The following ATP11B variants were observed in gnomAD, a reference collection of about 807,000 sequenced individuals.
The protein encoded by ATP11B is ATPase phospholipid transporting 11B (putative).
ATP11B carries 81 observed loss-of-function variants against 157.8 expected under a neutral mutation model. The observed-to-expected ratio is 0.51, with a 90% CI of 0.43 to 0.62. The LOEUF is 0.62. Ranked by LOEUF, ATP11B falls within the 20% of genes least tolerant of loss-of-function variation. The pLI, the probability that ATP11B is intolerant of heterozygous loss-of-function variation, is 0.00. For synonymous variants in ATP11B, 451 were observed against 469.4 expected, an observed-to-expected ratio of 0.96 and a Z score of 0.51; for missense variants, 1,165 against 1,402.2, an observed-to-expected ratio of 0.83 and a Z score of 2.70.
At chr3:182,861,646 G>T (rs1720848581) in intron 12 of ATP11B, among the ~76,000 whole-genome samples, 1 of 152,162 alleles carries the variant, frequency 6.6e-6, no homozygotes, top group African/African-American at 2.4e-5. Flanking sequence ...GGCAAAATTT[G>T]CACAAAGTTT....
At chr3:182,913,767 A>G (rs1399242612) in intron 28 of ATP11B, 94 bp from the exon 29 acceptor site, 8 of 1,591,848 alleles carry the variant, frequency 5.0e-6, no homozygotes, top group Admixed American at 1.8e-5. Flanking sequence ...TATATATGTT[A>G]CCTTTGATTT....
Position 182,873,975 on chromosome 3 carries a change from G to A in ATP11B, c.2212G>A (p.Asp738Asn). ...NILELINQKS[D>N]SECAEQLRQL... Reference sequence around the variant, plus strand: ...CCTTGAACTTATAAACCAGAAATCAGACAGCGAGTGTGCTGAACAATTGAG... The same window carrying A: ...CCTTGAACTTATAAACCAGAAATCAAACAGCGAGTGTGCTGAACAATTGAG... Residue 738 changes from aspartate to asparagine, a missense_variant, in exon 19 of 30, where the codon GAC becomes AAC. Asp to Asn is a conservative substitution (Grantham distance 23). This residue lies in a region of ATP11B where 737 missense variants were observed against 930.5 expected (regional missense o/e 0.79). Transcript: ENST00000323116. The A allele has an allele frequency of 6.2e-7, 1 of 1,614,050 alleles. No individual in the cohort carries two copies.
At chr3:182,849,729 A>G (rs1277099096) in intron 10 of ATP11B, among the ~76,000 whole-genome samples, 1 of 152,206 alleles carries the variant, frequency 6.6e-6, no homozygotes, top group Non-Finnish European at 1.5e-5. Flanking sequence ...AAGATTAGGA[A>G]AAATGAACAG....
intron 9 of ATP11B, among the ~76,000 whole-genome samples, chr3:182,845,923 A>G (rs1719483002): frequency 6.6e-6 from 1 of 152,230 alleles, no homozygotes; most frequent in Non-Finnish European, 1.5e-5. Flanking sequence ...TTCATTCAAC[A>G]AATTTACTGA....
intron 25 of ATP11B, among the ~76,000 whole-genome samples, chr3:182,893,652 T>C (rs889700961): frequency 6.6e-6 from 1 of 152,204 alleles, no homozygotes; most frequent in Non-Finnish European, 1.5e-5. Flanking sequence ...GCTATAAACA[T>C]GGGTGTGCAA....
intron 10 of ATP11B, 39 bp from the exon 11 acceptor site, chr3:182,857,839 A>G (rs1720530134): frequency 2.3e-6 from 3 of 1,291,356 alleles, no homozygotes; most frequent in East Asian, 2.3e-5. Flanking sequence ...ATAGTAATAC[A>G]TGAGTTGTAT....
In ATP11B at chr3:182,805,917, T is replaced by C. The variant is rs575168580; in HGVS notation, c.27+12131T>C. On this transcript the variant is annotated intron_variant, in intron 1 of 29. Transcript: ENST00000323116. ...TAGTCCTACTTCTTTTTAAACTCAATGTTTTTTAGCATTAGTTTTTAATTA... is the reference window on the plus strand; with the variant it reads ...TAGTCCTACTTCTTTTTAAACTCAACGTTTTTTAGCATTAGTTTTTAATTA... 5.3e-5 allele frequency among the ~76,000 whole-genome samples: 8 copies of C among 152,348 alleles called. No homozygotes were observed. In the East Asian group the frequency reaches 1.3e-3, roughly 26 times the overall value.
In ATP11B at chr3:182,840,467, CCA is replaced by C. The variant is rs540685072; in HGVS notation, c.657-1607_657-1606del. Among the ~76,000 whole-genome samples the C allele has an allele frequency of 2.8e-3, 431 of 152,278 alleles. 3 individuals carry two copies. The highest frequency in any genetic ancestry group is 0.01 in the Middle Eastern group (3 of 294). Reference sequence around the variant, plus strand: ...TGACTGTCGGATTTATTTCTCTATCCCAGACTTCTTTCCTAAACTTCAGCTGC... The same window carrying C: ...TGACTGTCGGATTTATTTCTCTATCCGACTTCTTTCCTAAACTTCAGCTGC... On this transcript the variant is annotated intron_variant, in intron 7 of 29. Transcript: ENST00000323116.
chr3:182,872,976 G>C (rs551918339), intron 18 of ATP11B, among the ~76,000 whole-genome samples: 1 of 152,234 alleles, frequency 6.6e-6, no homozygotes, highest in East Asian at 1.9e-4. Flanking sequence ...CCATCCCTCT[G>C]TGACTACCTA....
At chr3:182,847,711 T>A (rs1719645573) in intron 9 of ATP11B, among the ~76,000 whole-genome samples, 1 of 152,196 alleles carries the variant, frequency 6.6e-6, no homozygotes, top group African/African-American at 2.4e-5. Context: ...TTTGTTAATT[T>A]GTCATACAGA....
At position 182,829,753 on chromosome 3, in the gene ATP11B, G is replaced by C. The variant is rs550245246; in HGVS notation, c.315+1G>C. ...GATAACAGTAACTGCCATAAAGCAG[G>C]TATGAAATACTTTCTTTTTTTAATT... On this transcript the variant is annotated splice_donor_variant, in intron 4 of 29. Transcript: ENST00000323116. LOFTEE classifies it high-confidence loss of function. The C allele has an allele frequency of 6.3e-7, 1 of 1,590,934 alleles. No individual in the cohort carries two copies. The highest frequency in any genetic ancestry group is 1.4e-5 in the African/African-American group (1 of 73,936).
chr3:182,886,995 T>C (rs922598170), intron 23 of ATP11B, among the ~76,000 whole-genome samples: 10 of 152,200 alleles, frequency 6.6e-5, no homozygotes, highest in Non-Finnish European at 1.5e-4. Context: ...GGAGAGTTTA[T>C]AGTGTAATTT....
At chr3:182,805,468 T>C (rs1386225210) in intron 1 of ATP11B, among the ~76,000 whole-genome samples, 2 of 151,870 alleles carry the variant, frequency 1.3e-5, no homozygotes, top group African/African-American at 4.8e-5. Context: ...TTTTTTTTTC[T>C]TTTGAGACGG....
At chr3:182,908,313 A>G (rs537091510) in intron 28 of ATP11B, 1 of 147,584 alleles carries the variant, frequency 6.8e-6, no homozygotes, top group South Asian at 2.1e-4. Context: ...GGGTTCAAGC[A>G]GTTCTCCTGC....
chr3:182,875,660 C>T lies in ATP11B; in HGVS notation c.2252+1645C>T, dbSNP rs147655836. Reference sequence around the variant, plus strand: ...TTCTCTGCATTGGTCAGGCTGGTCTCGAACACCTGACCTCAGGTGATCTGC... The same window carrying T: ...TTCTCTGCATTGGTCAGGCTGGTCTTGAACACCTGACCTCAGGTGATCTGC... On this transcript the variant is annotated intron_variant, in intron 19 of 29. Transcript: ENST00000323116. Among the ~76,000 whole-genome samples, 442 of 152,276 alleles carry T rather than the reference C, an allele frequency of 2.9e-3. 4 individuals carry two copies. Among genetic ancestry groups the T allele is most frequent in the Middle Eastern group, 0.01 (3 of 294 alleles).
intron 28 of ATP11B, among the ~76,000 whole-genome samples, chr3:182,904,991 C>T (rs967703393): frequency 1.3e-5 from 2 of 151,848 alleles, no homozygotes; most frequent in East Asian, 1.9e-4. Flanking sequence ...CCCCTCTTCC[C>T]CTGTGTTATA....
At chr3:182,850,218 A>T (rs1719864808) in intron 10 of ATP11B, among the ~76,000 whole-genome samples, 1 of 152,202 alleles carries the variant, frequency 6.6e-6, no homozygotes. Flanking sequence ...CATGCCTGTA[A>T]TCCTAGCACT....
chr3:182,846,881 A>G (rs1365098571), intron 9 of ATP11B, among the ~76,000 whole-genome samples: 3 of 152,078 alleles, frequency 2.0e-5, no homozygotes, highest in East Asian at 1.9e-4. Context: ...GGGTGATGAA[A>G]ATTCAAAATT....
intron 1 of ATP11B, among the ~76,000 whole-genome samples, chr3:182,794,627 T>C (rs1715485621): frequency 6.6e-6 from 1 of 152,118 alleles, no homozygotes; most frequent in Non-Finnish European, 1.5e-5. Flanking sequence ...AAAGGGTCAT[T>C]TAAGGCCTAT....
Sources: gnomAD v4.1 joint callset for allele counts (sites outside exome capture counted in the v4.1 genomes callset) on GRCh38, gnomAD v4.1.1 for gene constraint, gnomAD v4.1.1 regional missense constraint, MANE v1.5 for transcripts, NCBI Gene and HGNC (gene_info 2026-07-23, HGNC 2026-07-21) for gene names.